Variants in POLR1E observed in about 807,000 individuals in gnomAD.
POLR1E encodes the protein DNA-directed RNA polymerase I subunit RPA49.
A neutral mutation model predicts 50.9 loss-of-function variants in POLR1E; 37 were observed. The observed-to-expected ratio is 0.73, with a 90% CI of 0.56 to 0.96. POLR1E has a LOEUF of 0.96. POLR1E is among the 40% of genes least tolerant of loss of function. The probability of loss-of-function intolerance (pLI) is 0.00; values close to 1 mark genes in which losing one functional copy is unlikely to be tolerated. For missense variants in POLR1E, 426 were observed against 518.1 expected, an observed-to-expected ratio of 0.82 and a Z score of 1.73; for synonymous variants, 166 against 191.6, an observed-to-expected ratio of 0.87 and a Z score of 1.10.
At chr9:37,486,323 A>G in intron 1 of POLR1E, 200 bp downstream of exon 1, 1 of 1,333,698 alleles carries the variant, frequency 7.5e-7, no homozygotes, top group South Asian at 1.5e-5. Context: ...GGGACATCCC[A>G]CTCACCCGCT....
intron 5 of POLR1E, 82 bp downstream of exon 5, chr9:37,492,797 G>C: frequency 7.8e-7 from 1 of 1,280,132 alleles, no homozygotes. Context: ...AAATGAGCTT[G>C]TTGAACTCAA....
chr9:37,501,198 C>T (rs1230711821), intron 10 of POLR1E, among the ~76,000 whole-genome samples: 1 of 152,238 alleles, frequency 6.6e-6, no homozygotes, highest in African/African-American at 2.4e-5. Flanking sequence ...TTTTGAATAG[C>T]CCTTCCCGAT....
At chr9:37,494,459 A>G (rs567065611) in intron 6 of POLR1E, among the ~76,000 whole-genome samples, 28 of 152,282 alleles carry the variant, frequency 1.8e-4, no homozygotes, top group African/African-American at 6.3e-4. Context: ...TTGATTGGAG[A>G]TGGGGTCTTG....
chr9:37,489,506 AT>A (rs1222824239), intron 4 of POLR1E, 106 bp downstream of exon 4: 3 of 727,444 alleles, frequency 4.1e-6, no homozygotes, highest in Non-Finnish European at 4.3e-6. Flanking sequence ...AGTTATTTTA[AT>A]TTATTTATTC....
At chr9:37,499,718 G>A (rs759993288) in intron 9 of POLR1E, among the ~76,000 whole-genome samples, 1 of 151,756 alleles carries the variant, frequency 6.6e-6, no homozygotes, top group African/African-American at 2.4e-5. Flanking sequence ...TAGTAGAGAC[G>A]GGGTTTTTCC....
chr9:37,492,518 C>T (rs1820702928), intron 4 of POLR1E, 139 bp from the exon 5 acceptor site: 1 of 869,444 alleles, frequency 1.2e-6, no homozygotes, highest in Non-Finnish European at 1.8e-6. Flanking sequence ...TCACAGTATA[C>T]ACTCATGTTA....
chr9:37,487,929 A>C lies in POLR1E; in HGVS notation c.247A>C (p.Thr83Pro). The C allele has an allele frequency of 6.2e-7, 1 of 1,614,076 alleles. No individual in the cohort carries two copies. The highest frequency in any genetic ancestry group is 1.3e-5 in the African/African-American group (1 of 75,040). Reference sequence around the variant, plus strand: ...TGGGACTGGAGCCCTCAAATGCAACACTTTGTGCAGGTAATGGCAGGGGAA... The same window carrying C: ...TGGGACTGGAGCCCTCAAATGCAACCCTTTGTGCAGGTAATGGCAGGGGAA... Reference protein sequence around the residue: ...NFGTGALKCNTLCRHFVGILN... With the variant: ...NFGTGALKCNPLCRHFVGILN... The change falls in exon 3 of 12, where the codon ACT becomes CCT. Residue 83 changes from threonine (T) to proline (P), a missense_variant. Transcript: ENST00000377798.
Position 37,493,662 on chromosome 9 carries a change from CTA to C in POLR1E, c.507_508del (p.Lys170SerfsTer7), listed in dbSNP as rs775284019. 1.9e-6 allele frequency: 3 copies of C among 1,604,746 alleles called. No individual in the cohort carries two copies. The South Asian group carries it at 3.4e-5, about 18-fold the overall frequency. On this transcript the variant is annotated frameshift_variant, in exon 6 of 12. Coordinates refer to ENST00000377798, the MANE Select transcript of POLR1E (RefSeq NM_022490.4). LOFTEE classifies it high-confidence loss of function. Reference sequence around the variant, plus strand: ...AATGAATCTTTGAATCGTGCAGTGGCTAAAGCTGCAGAGACTATCATTGATAC... The same window carrying C: ...AATGAATCTTTGAATCGTGCAGTGGCAAGCTGCAGAGACTATCATTGATAC...
At chr9:37,494,482 G>A (rs1323094847) in intron 6 of POLR1E, among the ~76,000 whole-genome samples, 1 of 152,214 alleles carries the variant, frequency 6.6e-6, no homozygotes. Context: ...CTATCACCCA[G>A]ACTAGAGTGC....
intron 5 of POLR1E, 131 bp downstream of exon 5, chr9:37,492,846 C>A: frequency 1.3e-6 from 1 of 783,078 alleles, no homozygotes; most frequent in Non-Finnish European, 2.1e-6. Flanking sequence ...CAGTCTGTTT[C>A]TCTGGACAAT....
chr9:37,501,621 A>G (rs1318519554), intron 10 of POLR1E, 92 bp from the exon 11 acceptor site: 7 of 1,455,356 alleles, frequency 4.8e-6, no homozygotes, highest in Admixed American at 4.0e-5. Context: ...TTCCGTGCAT[A>G]TGAGAATAGG....
At chr9:37,502,374 G>T (rs753969) in intron 11 of POLR1E, among the ~76,000 whole-genome samples, 5,418 of 152,354 alleles carry the variant, frequency 0.036, 185 homozygotes, top group African/African-American at 0.091. Flanking sequence ...AGGCCAGGTG[G>T]AACTGCTGTT....
Position 37,489,395 on chromosome 9 carries a change from T to C in POLR1E, c.338T>C (p.Phe113Ser). The change falls in exon 4 of 12, where the codon TTT (phenylalanine) becomes TCT (serine). Residue 113 changes from phenylalanine (F) to serine (S), a missense_variant. Physicochemically the swap from Phe to Ser is radical, Grantham distance 155. Transcript: ENST00000377798. ...DAELFNMQPLFSDVSVESELA... is the reference protein window; with the variant it reads ...DAELFNMQPLSSDVSVESELA... ...GAATTGTTCAACATGCAGCCACTAT[T>C]TTCAGGTAGGTCCCAGTCATGAAAG... is the stretch of plus-strand genomic sequence containing the variant. The C allele has an allele frequency of 6.3e-7, 1 of 1,591,852 alleles. No homozygotes were observed. Among genetic ancestry groups the C allele is most frequent in the Non-Finnish European group, 8.5e-7 (1 of 1,173,188 alleles).
At chr9:37,496,555 C>T (rs903788823) in intron 8 of POLR1E, among the ~76,000 whole-genome samples, 1 of 149,152 alleles carries the variant, frequency 6.7e-6, no homozygotes, top group Non-Finnish European at 1.5e-5. Context: ...AGGTTTGTTC[C>T]TCCAGTTTTT....
Position 37,489,303 on chromosome 9 carries a change from T to A in POLR1E, c.258-12T>A. 1 of 1,569,618 alleles carries A rather than the reference T, an allele frequency of 6.4e-7. No individual in the cohort carries two copies. Among genetic ancestry groups the A allele is most frequent in the Non-Finnish European group, 8.7e-7 (1 of 1,153,498 alleles). ...AATCCATTGTTATTTGTATTATTTC[T>A]TCTTTATTCAGGCACTTTGTGGGAA... On this transcript the variant is annotated splice_polypyrimidine_tract_variant and intron_variant, in intron 3 of 11. Coordinates refer to ENST00000377798, the MANE Select transcript of POLR1E (RefSeq NM_022490.4).
intron 9 of POLR1E, 89 bp from the exon 10 acceptor site, chr9:37,500,751 C>A: frequency 9.9e-7 from 1 of 1,005,494 alleles, no homozygotes; most frequent in Non-Finnish European, 1.6e-6. Flanking sequence ...TTGCAGTGGC[C>A]CAGCTGTTGG....
At chr9:37,492,148 T>A in intron 4 of POLR1E, 1 of 654,266 alleles carries the variant, frequency 1.5e-6, no homozygotes, top group Non-Finnish European at 2.2e-6. Flanking sequence ...GGGTGATGGC[T>A]GAGATAACAG....
chr9:37,486,785 G>A lies in POLR1E; in HGVS notation c.159G>A (p.Arg53=), dbSNP rs772422848. ...LYENKDSTNP[R]KRNQRILAAE... is the part of the protein sequence containing the mutation. ...AGAACAAAGATTCCACCAACCCCAGGAAGAGGAATCAACGGATCCTGGTAA... is the reference window on the plus strand; with the variant it reads ...AGAACAAAGATTCCACCAACCCCAGAAAGAGGAATCAACGGATCCTGGTAA... The change falls in exon 2 of 12, where the codon AGG becomes AGA. Residue 53 remains arginine (R), a synonymous_variant. Transcript: ENST00000377798. 3 of 1,612,832 alleles carry A rather than the reference G, an allele frequency of 1.9e-6. No individual in the cohort carries two copies. Among genetic ancestry groups the A allele is most frequent in the Admixed American group, 3.3e-5 (2 of 59,996 alleles).
intron 10 of POLR1E, 125 bp from the exon 11 acceptor site, chr9:37,501,588 C>A: frequency 1.6e-6 from 2 of 1,218,570 alleles, no homozygotes; most frequent in South Asian, 2.9e-5. Flanking sequence ...CATTCCTTTT[C>A]CTTTCCTGAA....
Sources: allele counts gnomAD v4.1 joint callset (sites outside exome capture counted in the v4.1 genomes callset), GRCh38; gene constraint gnomAD v4.1.1; transcripts MANE v1.5; gene names NCBI Gene and HGNC (gene_info 2026-07-23, HGNC 2026-07-21).